Variants in CNGB1 observed in about 807,000 individuals in gnomAD.
CNGB1 encodes cyclic nucleotide gated channel subunit beta 1, also known as cyclic nucleotide-gated channel beta-1.
In CNGB1, 126 loss-of-function variants were observed where a neutral mutation model predicts 151.7. The ratio of observed to expected loss-of-function variants is 0.83; its 90% CI spans 0.72 to 0.96. CNGB1 has a LOEUF of 0.96. CNGB1 is among the 40% of genes least tolerant of loss of function. The pLI, the probability that CNGB1 is intolerant of heterozygous loss-of-function variation, is 0.00. For missense variants in CNGB1, 1,698 were observed against 1,627.0 expected, an observed-to-expected ratio of 1.04 and a Z score of -0.75; for synonymous variants, 623 against 635.1, an observed-to-expected ratio of 0.98 and a Z score of 0.29.
At chr16:57,933,087 C>G (rs1377084832) in intron 16 of CNGB1, among the ~76,000 whole-genome samples, 2 of 152,052 alleles carry the variant, frequency 1.3e-5, no homozygotes, top group Non-Finnish European at 2.9e-5. Context: ...CACCACCATG[C>G]TCGGCTAATT....
rs776748725 is a variant in CNGB1, at chr16:57,919,244, C to T, written c.1812G>A (p.Lys604=). ...TGTCTGGAGCTGGCTCTGGGGCTTT[C>T]TTGGCTGGGGCTGTGGGATGACATT... is the stretch of plus-strand genomic sequence containing the variant. ...DEESPKPSPA[K]KAPEPAPDTK... is the part of the protein sequence containing the mutation. The change falls in exon 20 of 33, where the codon AAG becomes AAA. Residue 604 remains lysine, a synonymous_variant. Transcript: ENST00000251102. 6.2e-6 allele frequency: 10 copies of T among 1,614,178 alleles called. No individual in the cohort carries two copies. The highest frequency in any genetic ancestry group is 7.6e-6 in the Non-Finnish European group (9 of 1,180,030).
intron 18 of CNGB1, 54 bp downstream of exon 18, chr16:57,923,219 T>TGCCCC: frequency 1.1e-6 from 1 of 923,462 alleles, no homozygotes; most frequent in Non-Finnish European, 1.7e-6. Context: ...CCCCCCCACA[T>TGCCCC]CCCCCACCCT....
chr16:57,936,486 G>T (rs183316568), intron 16 of CNGB1, among the ~76,000 whole-genome samples: 1 of 152,296 alleles, frequency 6.6e-6, no homozygotes. Flanking sequence ...AGGAATATAT[G>T]TTTAACCCAA....
At chr16:57,912,017 C>T in intron 24 of CNGB1, 142 bp from the exon 25 acceptor site, 1 of 1,114,456 alleles carries the variant, frequency 9.0e-7, no homozygotes, top group Non-Finnish European at 1.3e-6. Context: ...AAGGGTGGTG[C>T]TTGAATGGGG....
rs377262202 is a variant in CNGB1 at position 57,891,959 on chromosome 16, C to T, written c.3243-3885G>A. Reference sequence around the variant, plus strand: ...ATGAAGCTTATCTAACACATATTTTCTGTGTAAGGCACATTGCAGACTTCT... The same window carrying T: ...ATGAAGCTTATCTAACACATATTTTTTGTGTAAGGCACATTGCAGACTTCT... On this transcript the variant is annotated intron_variant, in intron 31 of 32. Coordinates refer to ENST00000251102, the MANE Select transcript of CNGB1 (RefSeq NM_001297.5). Among the ~76,000 whole-genome samples, 16 of 151,706 alleles carry T rather than the reference C, an allele frequency of 1.1e-4. No homozygotes were observed. The East Asian group carries it at 2.9e-3, about 28-fold the overall frequency.
chr16:57,924,930 A>C (rs1360060799), intron 17 of CNGB1, among the ~76,000 whole-genome samples: 4 of 152,126 alleles, frequency 2.6e-5, no homozygotes, highest in African/African-American at 9.7e-5. Context: ...CCAGAAGTAG[A>C]TGCTGCCATG....
At chr16:57,938,765 C>G (rs775621217) in intron 16 of CNGB1, among the ~76,000 whole-genome samples, 1 of 152,170 alleles carries the variant, frequency 6.6e-6, no homozygotes, top group Non-Finnish European at 1.5e-5. Context: ...AGGCACGCAA[C>G]ACCTGCCGGC....
At chr16:57,964,654 G>A (rs1483959886) in intron 2 of CNGB1, 110 bp from the exon 3 acceptor site, 4 of 1,023,330 alleles carry the variant, frequency 3.9e-6, no homozygotes, top group East Asian at 2.5e-5. Context: ...AGACCTGAAC[G>A]ACTCTTTCCT....
chr16:57,914,681 A>G (rs1201698873), intron 23 of CNGB1, among the ~76,000 whole-genome samples: 1 of 152,072 alleles, frequency 6.6e-6, no homozygotes, highest in African/African-American at 2.4e-5. Flanking sequence ...CATCCTGGAG[A>G]CTTTCGCTCT....
chr16:57,967,165 G>T lies in CNGB1; in HGVS notation c.122C>A (p.Pro41Gln). Residue 41 changes from proline to glutamine, a missense_variant, in exon 2 of 33, where the codon CCG becomes CAG. By Grantham distance (76) the Pro-to-Gln change is moderately conservative. Coordinates refer to ENST00000251102, the MANE Select transcript of CNGB1 (RefSeq NM_001297.5). Reference sequence around the variant, plus strand: ...CTCTGTCTCGGCCTCCTCAGGATTCGGTTCTGGTTCCACCTCCGCCTCCAT... The same window carrying T: ...CTCTGTCTCGGCCTCCTCAGGATTCTGTTCTGGTTCCACCTCCGCCTCCAT... ...PEMEAEVEPE[P>Q]NPEEAETESE... The T allele has an allele frequency of 2.5e-6, 4 of 1,614,152 alleles. No homozygotes were observed. Among genetic ancestry groups the T allele is most frequent in the Non-Finnish European group, 3.4e-6 (4 of 1,180,034 alleles).
At chr16:57,952,923 G>A (rs969322147) in intron 12 of CNGB1, among the ~76,000 whole-genome samples, 9 of 152,202 alleles carry the variant, frequency 5.9e-5, no homozygotes, top group Non-Finnish European at 1.2e-4. Context: ...AACCTGGAAG[G>A]GGAGGGATTG....
At chr16:57,897,251 A>G in intron 31 of CNGB1, 146 bp downstream of exon 31, 2 of 840,282 alleles carry the variant, frequency 2.4e-6, no homozygotes, top group Non-Finnish European at 3.7e-6. Context: ...GTAGTGAGTC[A>G]TGATCACTCC....
rs529040296 is a variant in CNGB1, at chr16:57,962,972, A to G, written c.381+2T>C. ...CCCTTCAGCCTCCAGCCCCAGCAGT[A>G]CCTGAGCCGGGTCCTCCGTGATGCT... On this transcript the variant is annotated splice_donor_variant, in intron 5 of 32. Transcript: ENST00000251102. LOFTEE classifies it high-confidence loss of function. 2 of 1,613,188 alleles carry G rather than the reference A, an allele frequency of 1.2e-6. No homozygotes were observed. Among genetic ancestry groups the G allele is most frequent in the African/African-American group, 2.7e-5 (2 of 75,028 alleles).
chr16:57,907,510 G>A (rs1346112331), intron 25 of CNGB1, among the ~76,000 whole-genome samples: 2 of 152,168 alleles, frequency 1.3e-5, no homozygotes, highest in Non-Finnish European at 2.9e-5. Flanking sequence ...TCCTGTTCAG[G>A]CCCAGGCTAG....
At chr16:57,963,488 A>G (rs1337314189) in intron 4 of CNGB1, among the ~76,000 whole-genome samples, 1 of 152,144 alleles carries the variant, frequency 6.6e-6, no homozygotes, top group African/African-American at 2.4e-5. Flanking sequence ...CAAAGGGCCA[A>G]GGTTTGCTGC....
chr16:57,966,939 G>C (rs1208527824), intron 2 of CNGB1, among the ~76,000 whole-genome samples, 189 bp downstream of exon 2: 1 of 152,142 alleles, frequency 6.6e-6, no homozygotes, highest in Non-Finnish European at 1.5e-5. Flanking sequence ...TGTTAGCCTT[G>C]GGCAAGCCCT....
Position 57,884,394 on chromosome 16 carries a change from G to T in CNGB1, c.3526C>A (p.Pro1176Thr), listed in dbSNP as rs765169492. ...GGTGGGTCGGTGGCGGCCTCCTTTG[G>T]GTGCGTGTGCTGGTCTGGGGCGGCG... ...GSAAPDQHTH[P>T]KEAATDPPAP... The change falls in exon 33 of 33, where the codon CCA becomes ACA. Residue 1176 changes from proline (P) to threonine (T), a missense_variant. Transcript: ENST00000251102. 6.2e-7 allele frequency: 1 copy of T among 1,613,304 alleles called. No individual in the cohort carries two copies. The highest frequency in any genetic ancestry group is 8.5e-7 in the Non-Finnish European group (1 of 1,179,852).
intron 16 of CNGB1, among the ~76,000 whole-genome samples, chr16:57,932,570 TTTTTG>T (rs549268462): frequency 6.6e-6 from 1 of 150,702 alleles, no homozygotes; most frequent in Non-Finnish European, 1.5e-5. Context: ...GCCCGGCTAG[TTTTTG>T]TTTTGTTTTG....
chr16:57,900,249 G>A (rs975161068), intron 29 of CNGB1, among the ~76,000 whole-genome samples: 2 of 152,176 alleles, frequency 1.3e-5, no homozygotes, highest in African/African-American at 4.8e-5. Flanking sequence ...TGCCCCTAAG[G>A]TTGCAGCTTT....
Sources: allele counts gnomAD v4.1 joint callset (sites outside exome capture counted in the v4.1 genomes callset), GRCh38; gene constraint gnomAD v4.1.1; transcripts MANE v1.5; gene names NCBI Gene and HGNC (gene_info 2026-07-23, HGNC 2026-07-21).